Variants in CADPS observed in about 807,000 individuals in gnomAD.
CADPS encodes the protein calcium-dependent secretion activator 1.
In CADPS, 57 loss-of-function variants were observed where a neutral mutation model predicts 167.3. The observed-to-expected ratio is 0.34, with a 90% CI of 0.28 to 0.42. The LOEUF (loss-of-function observed/expected upper bound fraction) is 0.42, where lower values mean the gene tolerates loss of function less well. CADPS is among the 20% of genes least tolerant of loss of function. The pLI, the probability that CADPS is intolerant of heterozygous loss-of-function variation, is 1.00. For synonymous variants in CADPS, 676 were observed against 635.3 expected, an observed-to-expected ratio of 1.06 and a Z score of -0.96; for missense variants, 1,414 against 1,738.1, an observed-to-expected ratio of 0.81 and a Z score of 3.32.
chr3:62,547,096 C>A (rs1410272484), intron 11 of CADPS, among the ~76,000 whole-genome samples: 5 of 152,206 alleles, frequency 3.3e-5, no homozygotes, highest in African/African-American at 4.8e-5. Context: ...ACAGAAGCCA[C>A]ACTGGCTGGT....
intron 28 of CADPS, among the ~76,000 whole-genome samples, chr3:62,422,076 T>C (rs1163412364): frequency 1.3e-5 from 2 of 152,206 alleles, no homozygotes; most frequent in Non-Finnish European, 2.9e-5. Context: ...TGCCCAAATT[T>C]ATTTCTAATG....
intron 6 of CADPS, among the ~76,000 whole-genome samples, chr3:62,637,561 G>A (rs989478350): frequency 2.0e-5 from 3 of 152,290 alleles, no homozygotes; most frequent in African/African-American, 7.2e-5. Context: ...TGGTGTGTGC[G>A]CCAGCACGTT....
At chr3:62,799,353 C>T (rs961435128) in intron 1 of CADPS, among the ~76,000 whole-genome samples, 1 of 152,108 alleles carries the variant, frequency 6.6e-6, no homozygotes. Flanking sequence ...ACTCTGGAGG[C>T]AGACTACCTA....
intron 13 of CADPS, chr3:62,530,533 C>T: frequency 3.4e-6 from 2 of 594,300 alleles, no homozygotes; most frequent in Non-Finnish European, 4.5e-6. Flanking sequence ...TTTGAAAATG[C>T]TTAAAGAGAG....
intron 27 of CADPS, among the ~76,000 whole-genome samples, chr3:62,444,984 C>G (rs2056968871): frequency 6.6e-6 from 1 of 152,060 alleles, no homozygotes; most frequent in African/African-American, 2.4e-5. Flanking sequence ...AATGGAGAAA[C>G]AAAATCATTT....
rs151055889 is a variant in CADPS, at chr3:62,583,605, C to T, written c.1577+1580G>A. On this transcript the variant is annotated intron_variant, in intron 8 of 29. Coordinates refer to ENST00000383710, the MANE Select transcript of CADPS (RefSeq NM_003716.4). ...TGCCATAATCCCAGCTCAGGCTTGGCATAATTTGGCCTCAAGACAATGCAA... is the reference window on the plus strand; with the variant it reads ...TGCCATAATCCCAGCTCAGGCTTGGTATAATTTGGCCTCAAGACAATGCAA... 3.1e-3 allele frequency among the ~76,000 whole-genome samples: 476 copies of T among 152,254 alleles called. 6 individuals carry two copies. Among genetic ancestry groups the T allele is most frequent in the African/African-American group, 0.011 (458 of 41,554 alleles).
At chr3:62,599,496 T>G (rs1041044410) in intron 6 of CADPS, among the ~76,000 whole-genome samples, 1 of 118,742 alleles carries the variant, frequency 8.4e-6, no homozygotes, top group African/African-American at 3.4e-5. Flanking sequence ...ATTATATATA[T>G]ATTTTATATA....
At chr3:62,678,732 G>A (rs2076685612) in intron 3 of CADPS, among the ~76,000 whole-genome samples, 3 of 151,678 alleles carry the variant, frequency 2.0e-5, no homozygotes, top group African/African-American at 7.3e-5. Context: ...CTGCAAAAGA[G>A]AAACCATGTT....
At chr3:62,444,252 C>T (rs958495722) in intron 27 of CADPS, among the ~76,000 whole-genome samples, 3 of 152,192 alleles carry the variant, frequency 2.0e-5, no homozygotes, top group South Asian at 2.1e-4. Context: ...TGGAGCCCAA[C>T]GCTGATGTCT....
intron 29 of CADPS, among the ~76,000 whole-genome samples, chr3:62,402,844 A>G (rs1225849118): frequency 6.6e-6 from 1 of 152,236 alleles, no homozygotes; most frequent in East Asian, 1.9e-4. Flanking sequence ...GTATGGCAAA[A>G]CCAAGTATTT....
At chr3:62,448,624 G>C (rs540683204) in intron 26 of CADPS, among the ~76,000 whole-genome samples, 207 of 151,416 alleles carry the variant, frequency 1.4e-3, no homozygotes, top group African/African-American at 4.7e-3. Flanking sequence ...ACTTTTTTGG[G>C]GGGGGGTGGT....
At chr3:62,759,515 C>T (rs1199279423) in intron 2 of CADPS, among the ~76,000 whole-genome samples, 5 of 152,040 alleles carry the variant, frequency 3.3e-5, no homozygotes, top group Non-Finnish European at 7.4e-5. Flanking sequence ...TTTAGAATAC[C>T]ATAGGAAATA....
chr3:62,789,178 C>G (rs888930559), intron 1 of CADPS, among the ~76,000 whole-genome samples: 11 of 152,130 alleles, frequency 7.2e-5, no homozygotes, highest in Non-Finnish European at 1.0e-4. Flanking sequence ...GTATCAATGG[C>G]CACTATCTGA....
chr3:62,774,279 G>C (rs79780013), intron 1 of CADPS, among the ~76,000 whole-genome samples: 1 of 151,232 alleles, frequency 6.6e-6, no homozygotes, highest in African/African-American at 2.4e-5. Flanking sequence ...CCTTGAACCC[G>C]ATAACATTAA....
intron 8 of CADPS, among the ~76,000 whole-genome samples, chr3:62,574,378 G>A (rs751712241): frequency 2.7e-5 from 4 of 150,394 alleles, no homozygotes; most frequent in Non-Finnish European, 4.4e-5. Flanking sequence ...AGGAGGAAGC[G>A]GGGCAAGAGA....
At chr3:62,511,821 C>T (rs1391330380) in intron 17 of CADPS, among the ~76,000 whole-genome samples, 2 of 152,146 alleles carry the variant, frequency 1.3e-5, no homozygotes, top group Admixed American at 1.3e-4. Context: ...CCGTTTCCCT[C>T]TTGTTTACAT....
At position 62,455,816 on chromosome 3, in the gene CADPS, G is replaced by T. The variant is rs946118609; in HGVS notation, c.3636+9551C>A. Among the ~76,000 whole-genome samples, 3 of 152,168 alleles carry T rather than the reference G, an allele frequency of 2.0e-5. No individual in the cohort carries two copies. Among genetic ancestry groups the T allele is most frequent in the Non-Finnish European group, 4.4e-5 (3 of 68,024 alleles). On this transcript the variant is annotated intron_variant, in intron 26 of 29. Transcript: ENST00000383710. The surrounding 1 kb of genome is among the most constrained non-coding windows in gnomAD (Gnocchi z 4.4). ...TGGCTTTGGTGCTGAGCAAGTGAGG[G>T]CTATATTGTTGTTACTGAATAGTAA...
At chr3:62,582,356 G>A (rs924974005) in intron 8 of CADPS, among the ~76,000 whole-genome samples, 3 of 152,176 alleles carry the variant, frequency 2.0e-5, no homozygotes, top group African/African-American at 7.2e-5. Flanking sequence ...TGAGGTGGGA[G>A]GATGGCTTGA....
chr3:62,475,076 G>T (rs1010825458), intron 23 of CADPS, among the ~76,000 whole-genome samples: 1 of 152,016 alleles, frequency 6.6e-6, no homozygotes, highest in African/African-American at 2.4e-5. Context: ...TTATATGTAC[G>T]CTTAATATAC....
Sources: gnomAD v4.1 joint callset for allele counts (sites outside exome capture counted in the v4.1 genomes callset) on GRCh38, gnomAD v4.1.1 for gene constraint, Gnocchi (gnomAD v3.1) non-coding constraint, MANE v1.5 for transcripts, NCBI Gene and HGNC (gene_info 2026-07-23, HGNC 2026-07-21) for gene names.